Variants in CSMD1 observed in about 807,000 individuals in gnomAD.
The protein encoded by CSMD1 is CUB and Sushi multiple domains 1, also known as CUB and sushi domain-containing protein 1.
CSMD1 carries 213 observed loss-of-function variants against 417.5 expected under a neutral mutation model. The observed-to-expected ratio is 0.51, with a 90% confidence interval of 0.46 to 0.57. CSMD1 has a LOEUF of 0.57. Among genes scored for constraint, CSMD1 ranks in the 20% least tolerant of loss-of-function variants. CSMD1 has a pLI of 0.00. For missense variants in CSMD1, 6,923 were observed against 4,529.7 expected (o/e 1.53, Z -15.17); for synonymous variants, 2,862 against 1,736.8 (o/e 1.65, Z -16.11).
chr8:3,374,443 A>T (rs1810182147), intron 18 of CSMD1, among the ~76,000 whole-genome samples: 1 of 152,190 alleles, frequency 6.6e-6, no homozygotes, highest in East Asian at 1.9e-4. Context: ...TTACATTCTA[A>T]TGGGGAAGGC....
chr8:4,140,302 G>A (rs536384680), intron 3 of CSMD1, among the ~76,000 whole-genome samples: 1 of 151,056 alleles, frequency 6.6e-6, no homozygotes, highest in South Asian at 2.1e-4. Flanking sequence ...TTTGAGACCA[G>A]CCTGACAAAC....
At chr8:3,863,255 G>A (rs1447965109) in intron 5 of CSMD1, among the ~76,000 whole-genome samples, 7 of 152,114 alleles carry the variant, frequency 4.6e-5, no homozygotes, top group Non-Finnish European at 1.0e-4. Flanking sequence ...AAACTGGCTA[G>A]GTCTGGTGGC....
chr8:3,991,252 G>T (rs1370370144), intron 5 of CSMD1, among the ~76,000 whole-genome samples: 2 of 152,226 alleles, frequency 1.3e-5, no homozygotes, highest in Non-Finnish European at 2.9e-5. Flanking sequence ...TATCCGTACA[G>T]TAGAATTAGC....
intron 4 of CSMD1, among the ~76,000 whole-genome samples, chr8:4,024,986 G>A (rs973060883): frequency 2.0e-5 from 3 of 152,204 alleles, no homozygotes; most frequent in East Asian, 1.9e-4. Context: ...GCTAGGCCTG[G>A]GTGGGTTTAA....
At chr8:4,237,628 G>C (rs1802146878) in intron 3 of CSMD1, among the ~76,000 whole-genome samples, 1 of 151,634 alleles carries the variant, frequency 6.6e-6, no homozygotes, top group African/African-American at 2.4e-5. Flanking sequence ...TCAACCTCCT[G>C]CCTCACCCTT....
intron 1 of CSMD1, among the ~76,000 whole-genome samples, chr8:4,786,471 C>T (rs962850690): frequency 2.0e-5 from 3 of 152,212 alleles, no homozygotes; most frequent in African/African-American, 7.2e-5. Flanking sequence ...CTGTTGAACA[C>T]CACAGATATC....
At chr8:4,969,795 C>A (rs1186150024) in intron 1 of CSMD1, among the ~76,000 whole-genome samples, 1 of 151,994 alleles carries the variant, frequency 6.6e-6, no homozygotes, top group African/African-American at 2.4e-5. Context: ...GGAACTTTAA[C>A]ACTACCTAAT....
At chr8:3,937,724 T>G (rs900351557) in intron 5 of CSMD1, among the ~76,000 whole-genome samples, 1 of 152,154 alleles carries the variant, frequency 6.6e-6, no homozygotes, top group Non-Finnish European at 1.5e-5. Context: ...AGTTTCCACA[T>G]TAGTACACCA....
At chr8:4,236,154 G>A (rs1272365363) in intron 3 of CSMD1, among the ~76,000 whole-genome samples, 1 of 150,074 alleles carries the variant, frequency 6.7e-6, no homozygotes, top group African/African-American at 2.5e-5. Flanking sequence ...TATCAGTAAG[G>A]TCTTCGATCA....
chr8:3,804,367 G>T (rs950027907), intron 5 of CSMD1, among the ~76,000 whole-genome samples: 1 of 152,066 alleles, frequency 6.6e-6, no homozygotes, highest in Non-Finnish European at 1.5e-5. Context: ...AAAATACCCA[G>T]TGTGAATTAA....
intron 50 of CSMD1, among the ~76,000 whole-genome samples, chr8:3,042,787 C>T (rs1425269742): frequency 1.3e-5 from 2 of 152,036 alleles, no homozygotes; most frequent in African/African-American, 4.8e-5. Flanking sequence ...CTTAGTTTTT[C>T]TACATTGAGT....
chr8:4,467,806 T>C (rs546428890), intron 2 of CSMD1, among the ~76,000 whole-genome samples: 13 of 152,290 alleles, frequency 8.5e-5, no homozygotes, highest in Admixed American at 6.5e-4. Context: ...GGGAAAGAAC[T>C]AGTGAAATAA....
At chr8:3,235,745 G>C (rs1441821623) in intron 26 of CSMD1, among the ~76,000 whole-genome samples, 1 of 151,914 alleles carries the variant, frequency 6.6e-6, no homozygotes, top group African/African-American at 2.4e-5. Flanking sequence ...ATTCATTTTT[G>C]AAAGTACCTT....
intron 1 of CSMD1, among the ~76,000 whole-genome samples, chr8:4,717,332 C>T (rs529992293): frequency 1.5e-3 from 153 of 100,252 alleles, no homozygotes; most frequent in Non-Finnish European, 1.6e-3. Flanking sequence ...TATATACACA[C>T]ACACACGTAT....
intron 49 of CSMD1, 62 bp from the exon 50 acceptor site, chr8:3,052,709 A>G: frequency 8.6e-7 from 1 of 1,159,214 alleles, no homozygotes; most frequent in Non-Finnish European, 1.2e-6. Flanking sequence ...AGCTATTAAA[A>G]CCATTGATTG....
intron 3 of CSMD1, among the ~76,000 whole-genome samples, chr8:4,171,061 A>C (rs1264526086): frequency 1.3e-5 from 2 of 151,848 alleles, no homozygotes; most frequent in Non-Finnish European, 2.9e-5. Context: ...CTCATCTGTC[A>C]GTGTTCCCCT....
chr8:4,042,344 T>C (rs919227332), intron 3 of CSMD1, among the ~76,000 whole-genome samples: 3 of 152,136 alleles, frequency 2.0e-5, no homozygotes, highest in African/African-American at 7.2e-5. Flanking sequence ...GGCCAGGTGA[T>C]GCCTCTTCAG....
chr8:3,996,977 G>A (rs1046325318), intron 5 of CSMD1, among the ~76,000 whole-genome samples: 4 of 152,072 alleles, frequency 2.6e-5, no homozygotes, highest in Non-Finnish European at 5.9e-5. Context: ...GCAACCTGCC[G>A]ACATGTTCAC....
intron 3 of CSMD1, among the ~76,000 whole-genome samples, chr8:4,229,866 C>T (rs1459815970): frequency 2.0e-5 from 3 of 152,152 alleles, no homozygotes; most frequent in East Asian, 3.8e-4. Context: ...CTGTGTTCTG[C>T]CCCAGTGTTG....
Sources: allele counts gnomAD v4.1 joint callset (sites outside exome capture counted in the v4.1 genomes callset), GRCh38; gene constraint gnomAD v4.1.1; transcripts MANE v1.5; gene names NCBI Gene and HGNC (gene_info 2026-07-23, HGNC 2026-07-21).